Variants in CFAP73 observed in about 807,000 individuals in gnomAD.
CFAP73 encodes the protein cilia and flagella associated protein 73.
A neutral mutation model predicts 42.9 loss-of-function variants in CFAP73; 33 were observed. The ratio of observed to expected loss-of-function variants is 0.77; its 90% CI spans 0.58 to 1.03. The LOEUF (loss-of-function observed/expected upper bound fraction) is 1.03. CFAP73 is among the 50% of genes least tolerant of loss of function. The pLI is 0.00. For missense variants in CFAP73, 392 were observed against 411.9 expected (o/e 0.95, Z 0.42); for synonymous variants, 162 against 186.8 (o/e 0.87, Z 1.08).
intron 1 of CFAP73, 86 bp from the exon 2 acceptor site, chr12:113,151,832 T>A (rs1952064851): frequency 1.2e-6 from 1 of 830,980 alleles, no homozygotes; most frequent in Non-Finnish European, 1.9e-6. Flanking sequence ...AGCAGGTGGC[T>A]AATGGGGCAC....
rs1337938949 is a variant in CFAP73 at position 113,153,321 on chromosome 12, G to A, written c.381G>A (p.Arg127=). The change falls in exon 4 of 8, where the codon CGG becomes CGA. Residue 127 remains arginine, a synonymous_variant. Coordinates refer to ENST00000335621, the MANE Select transcript of CFAP73 (RefSeq NM_001144872.3). ...LRLWTQLQEL[R]REHARLQRRL... ...TGTGGACCCAGCTCCAGGAGCTACG[G>A]CGGGAACACGCGCGGCTGCAGCGCC... 6.6e-7 allele frequency: 1 copy of A among 1,516,864 alleles called. No individual in the cohort carries two copies. Among genetic ancestry groups the A allele is most frequent in the Non-Finnish European group, 8.8e-7 (1 of 1,137,326 alleles). 94.0% of individuals were successfully genotyped at this position (1,516,864 alleles called of 1,614,324 possible).
intron 1 of CFAP73, 70 bp from the exon 2 acceptor site, chr12:113,151,848 A>G: frequency 9.0e-7 from 1 of 1,104,984 alleles, no homozygotes; most frequent in Non-Finnish European, 1.3e-6. Flanking sequence ...GGCACTCCAG[A>G]CACAGTGGTG....
At chr12:113,157,823 G>A (rs1271914699) in intron 7 of CFAP73, 133 bp downstream of exon 7, 2 of 699,328 alleles carry the variant, frequency 2.9e-6, no homozygotes, top group Non-Finnish European at 4.9e-6. Flanking sequence ...TGCCTGTTCA[G>A]AGTGCTGTGG....
rs1203019387 is a variant in CFAP73 at position 113,157,585 on chromosome 12, G to A, written c.850-17G>A. 9.0e-6 allele frequency: 14 copies of A among 1,551,120 alleles called. No individual in the cohort carries two copies. Among genetic ancestry groups the A allele is most frequent in the Admixed American group, 5.9e-5 (3 of 50,994 alleles). On this transcript the variant is annotated splice_polypyrimidine_tract_variant and intron_variant, in intron 6 of 7. Coordinates refer to ENST00000335621, the MANE Select transcript of CFAP73 (RefSeq NM_001144872.3). ...GACTCTGGGGCTGGGATGTGACTTC[G>A]TGCTGGGCCCCCCCAGGTGAAGCTG... is the stretch of plus-strand genomic sequence containing the variant.
rs1052222800 is a variant in CFAP73, at chr12:113,155,561, G to A, written c.849+143G>A. 11 of 917,648 alleles carry A rather than the reference G, an allele frequency of 1.2e-5. No individual in the cohort carries two copies. The Admixed American group carries it at 2.6e-4, about 22-fold the overall frequency. 56.8% of individuals were successfully genotyped at this position (917,648 alleles called of 1,614,324 possible). A position where few individuals can be genotyped will look rare whatever the true frequency, so the allele number is the denominator to read the frequency against. On this transcript the variant is annotated intron_variant, in intron 6 of 7. Coordinates refer to ENST00000335621, the MANE Select transcript of CFAP73 (RefSeq NM_001144872.3). Reference sequence around the variant, plus strand: ...AGAGCCCTTGCCCCAGCCGTGGCTCGATTGTCGGGCAGGCACCCGGTCTAG... The same window carrying A: ...AGAGCCCTTGCCCCAGCCGTGGCTCAATTGTCGGGCAGGCACCCGGTCTAG...
Position 113,159,114 on chromosome 12 carries a change from TG to T in CFAP73, c.*428del, listed in dbSNP as rs571415508. ...GGGCGTGGGGCCGGGATGCACCTGC[TG>T]GGACAGGGATTCAGGGAGCTCAGCT... On this transcript the variant is annotated 3_prime_UTR_variant, in exon 8 of 8. Coordinates refer to ENST00000335621, the MANE Select transcript of CFAP73 (RefSeq NM_001144872.3). The T allele has an allele frequency of 3.9e-4, 612 of 1,588,392 alleles. 3 individuals are homozygous for T. In the African/African-American group the frequency reaches 7.2e-3, roughly 19 times the overall value.
intron 1 of CFAP73, 99 bp downstream of exon 1, chr12:113,150,012 A>C: frequency 8.5e-7 from 1 of 1,181,326 alleles, no homozygotes; most frequent in Non-Finnish European, 1.2e-6. Flanking sequence ...GGCTTTGGGC[A>C]GATCATAGTG....
Position 113,149,758 on chromosome 12 carries a change from G to A in CFAP73, c.-100G>A. The A allele has an allele frequency of 8.0e-7, 1 of 1,249,508 alleles. No homozygotes were observed. The highest frequency in any genetic ancestry group is 1.1e-6 in the Non-Finnish European group (1 of 882,354). The allele number at this position is 1,249,508 out of a possible 1,614,324, so 77.4% of individuals were successfully genotyped here. ...TGGTGGCTGCCTTCTGGGCCGAGCT[G>A]AGCAGGCTTCCACACCACGCTCCAC... On this transcript the variant is annotated 5_prime_UTR_variant, in exon 1 of 8. Transcript: ENST00000335621.
rs957035165 is a variant in CFAP73, at chr12:113,153,406, G to T, written c.466G>T (p.Gly156Trp). ...LLEQALELLP[G>W]FQEVPELVAR... ...GGAGCAAGCGCTGGAGCTGCTGCCC[G>T]GGGTGAGTCCGGGGCAGGAGGCTGG... Residue 156 changes from glycine (G) to tryptophan (W), a missense_variant and splice_region_variant, in exon 4 of 8, where the codon GGG becomes TGG. Coordinates refer to ENST00000335621, the MANE Select transcript of CFAP73 (RefSeq NM_001144872.3). 7.0e-7 allele frequency: 1 copy of T among 1,433,158 alleles called. No homozygotes were observed. The highest frequency in any genetic ancestry group is 1.5e-5 in the African/African-American group (1 of 67,026). The allele number at this position is 1,433,158 out of a possible 1,614,324, so 88.8% of individuals were successfully genotyped here.
Position 113,155,346 on chromosome 12 carries a change from C to G in CFAP73, c.777C>G (p.Phe259Leu), listed in dbSNP as rs1952110124. 1 of 1,551,340 alleles carries G rather than the reference C, an allele frequency of 6.4e-7. No homozygotes were observed. Among genetic ancestry groups the G allele is most frequent in the African/African-American group, 1.4e-5 (1 of 73,030 alleles). ...GCAGGATGGCTGTGCTCAACCTGTT[C>G]CAGCTAGTGTGCCAGCATCAGGGGC... ...GRSRMAVLNL[F>L]QLVCQHQGQP... The change falls in exon 6 of 8, where the codon TTC becomes TTG. Residue 259 changes from phenylalanine (F) to leucine (L), a missense_variant. Physicochemically the swap from Phe to Leu is conservative, Grantham distance 22 (BLOSUM62 0). Coordinates refer to ENST00000335621, the MANE Select transcript of CFAP73 (RefSeq NM_001144872.3).
At chr12:113,153,528 G>A in intron 4 of CFAP73, 120 bp downstream of exon 4, 2 of 806,292 alleles carry the variant, frequency 2.5e-6, no homozygotes, top group Non-Finnish European at 3.6e-6. Context: ...TGGCATGCAT[G>A]CCGAGAACTA....
At chr12:113,156,279 G>A (rs558957769) in intron 6 of CFAP73, among the ~76,000 whole-genome samples, 148 of 152,078 alleles carry the variant, frequency 9.7e-4, no homozygotes, top group African/African-American at 3.4e-3. Context: ...TGTTTCTAGT[G>A]GGTATACCCA....
At position 113,154,365 on chromosome 12, in the gene CFAP73, G is replaced by T; in HGVS notation, c.469-49G>T. 1 of 1,540,350 alleles carries T rather than the reference G, an allele frequency of 6.5e-7. No homozygotes were observed. Among genetic ancestry groups the T allele is most frequent in the Non-Finnish European group, 8.8e-7 (1 of 1,140,014 alleles). On this transcript the variant is annotated intron_variant, in intron 4 of 7. Coordinates refer to ENST00000335621, the MANE Select transcript of CFAP73 (RefSeq NM_001144872.3). The surrounding 1 kb of genome is among the most constrained non-coding windows in gnomAD (Gnocchi z 4.7). ...CTGGCGGCCAGGTGGGATGGAGAGG[G>T]TAAGGCACTGCAGGCCCATGTGAGT... is the stretch of plus-strand genomic sequence containing the variant.
intron 2 of CFAP73, among the ~76,000 whole-genome samples, 190 bp downstream of exon 2, chr12:113,152,213 C>T (rs1423375839): frequency 6.6e-6 from 1 of 152,222 alleles, no homozygotes; most frequent in Non-Finnish European, 1.5e-5. Context: ...ATGTGCTGGG[C>T]ACTGCATTAA....
At position 113,154,529 on chromosome 12, in the gene CFAP73, T is replaced by C. The variant is rs886339334; in HGVS notation, c.584T>C (p.Leu195Pro). The part of the protein sequence containing the change: ...LAELEAARAR[L>P]QQLRDAWPDE... Reference sequence around the variant, plus strand: ...GAGCTGGAGGCGGCGCGAGCGCGGCTGCAGCAGCTGCGGGACGCCTGGCCG... The same window carrying C: ...GAGCTGGAGGCGGCGCGAGCGCGGCCGCAGCAGCTGCGGGACGCCTGGCCG... Residue 195 changes from leucine to proline, a missense_variant, in exon 5 of 8, where the codon CTG (leucine) becomes CCG (proline). By Grantham distance (98) the Leu-to-Pro change is moderately conservative. Coordinates refer to ENST00000335621, the MANE Select transcript of CFAP73 (RefSeq NM_001144872.3). This position sits in a 1 kb window ranked among gnomAD's most constrained non-coding sequence, Gnocchi z 4.7. 5 of 1,500,236 alleles carry C rather than the reference T, an allele frequency of 3.3e-6. 1 individual carries two copies. The African/African-American group carries it at 7.3e-5, about 22-fold the overall frequency. 92.9% of individuals were successfully genotyped at this position (1,500,236 alleles called of 1,614,324 possible).
Position 113,152,940 on chromosome 12 carries a change from T to G in CFAP73, c.267+53T>G, listed in dbSNP as rs901996994. The G allele has an allele frequency of 4.0e-6, 5 of 1,235,062 alleles. No individual in the cohort carries two copies. The African/African-American group carries it at 7.6e-5, about 19-fold the overall frequency. The allele number at this position is 1,235,062 out of a possible 1,614,324, so 76.5% of individuals were successfully genotyped here. On this transcript the variant is annotated intron_variant, in intron 3 of 7. Coordinates refer to ENST00000335621, the MANE Select transcript of CFAP73 (RefSeq NM_001144872.3). ...GGGGCCTATGGGTAGCAGCCCACAC[T>G]CCTATAGGGGCCCGGCAGGTAACAA...
At chr12:113,157,833 G>A (rs927475702) in intron 7 of CFAP73, 143 bp downstream of exon 7, 4 of 665,298 alleles carry the variant, frequency 6.0e-6, no homozygotes, top group Admixed American at 4.8e-5. Flanking sequence ...GAGTGCTGTG[G>A]GCCTGCCATG....
chr12:113,153,441 G>A, intron 4 of CFAP73, 33 bp downstream of exon 4: 1 of 1,381,392 alleles, frequency 7.2e-7, no homozygotes, highest in Non-Finnish European at 9.3e-7. Context: ...GGAGCTCGGC[G>A]CCACCGCGTG....
chr12:113,155,455 A>G, intron 6 of CFAP73, 37 bp downstream of exon 6: 6 of 1,510,266 alleles, frequency 4.0e-6, no homozygotes, highest in Non-Finnish European at 3.6e-6. Context: ...CAGCCCCCAA[A>G]CACTCCCTCT....
Sources: gnomAD v4.1 joint callset for allele counts (sites outside exome capture counted in the v4.1 genomes callset) on GRCh38, gnomAD v4.1.1 for gene constraint, Gnocchi (gnomAD v3.1) non-coding constraint, MANE v1.5 for transcripts, NCBI Gene and HGNC (gene_info 2026-07-23, HGNC 2026-07-21) for gene names.